Variants in SORD observed in about 807,000 individuals in gnomAD.
SORD encodes sorbitol dehydrogenase.
Under a neutral mutation model 35.6 loss-of-function variants are expected in SORD, and 18 were observed. The observed-to-expected ratio is 0.51, with a 90% CI of 0.35 to 0.75. SORD has a LOEUF of 0.75. Ranked by LOEUF, SORD falls within the 30% of genes least tolerant of loss-of-function variation. SORD has a pLI of 0.01. For synonymous variants in SORD, 106 were observed against 152.9 expected (o/e 0.69, Z 2.26); for missense variants, 250 against 390.2 (o/e 0.64, Z 3.03).
At chr15:45,046,058 TATC>T (rs1893041937) in intron 3 of SORD, among the ~76,000 whole-genome samples, 2 of 151,874 alleles carry the variant, frequency 1.3e-5, no homozygotes, top group African/African-American at 4.8e-5. Context: ...AATGTCATGT[TATC>T]ATAATATAAT....
chr15:45,059,050 C>A (rs574185581), intron 3 of SORD, among the ~76,000 whole-genome samples: 1 of 152,154 alleles, frequency 6.6e-6, no homozygotes, highest in African/African-American at 2.4e-5. Context: ...AGAACCAAGG[C>A]ATTTCTATGT....
intron 8 of SORD, 136 bp from the exon 9 acceptor site, chr15:45,073,229 G>A (rs1275524355): frequency 1.2e-5 from 6 of 496,964 alleles, no homozygotes; most frequent in Non-Finnish European, 2.1e-5. Flanking sequence ...TTCCTGGGTT[G>A]TTGGCCTGTA....
intron 1 of SORD, among the ~76,000 whole-genome samples, chr15:45,030,125 G>A (rs998761264): frequency 2.6e-5 from 4 of 152,220 alleles, no homozygotes; most frequent in Non-Finnish European, 5.9e-5. Context: ...TTGTAGCTTG[G>A]CTTTCCGGCT....
At chr15:45,024,012 T>G (rs1892632228) in intron 1 of SORD, among the ~76,000 whole-genome samples, 1 of 152,208 alleles carries the variant, frequency 6.6e-6, no homozygotes, top group African/African-American at 2.4e-5. Context: ...TGGTTCACTT[T>G]CCAGCAGTTT....
chr15:45,041,358 T>C (rs1414099614), intron 2 of SORD, among the ~76,000 whole-genome samples: 1 of 152,014 alleles, frequency 6.6e-6, no homozygotes, highest in Non-Finnish European at 1.5e-5. Flanking sequence ...AGAGTGTCTG[T>C]AGATACTCAC....
intron 1 of SORD, among the ~76,000 whole-genome samples, chr15:45,028,107 C>T (rs1372486459): frequency 6.6e-6 from 1 of 152,244 alleles, no homozygotes; most frequent in Non-Finnish European, 1.5e-5. Context: ...GGGCAGATCA[C>T]TTGAGGCCAG....
rs117139635 is a variant in SORD, at chr15:45,062,040, G to C, written c.425+814G>C. 3.0e-4 allele frequency among the ~76,000 whole-genome samples: 45 copies of C among 152,074 alleles called. No homozygotes were observed. The East Asian group carries it at 8.3e-3, about 28-fold the overall frequency. On this transcript the variant is annotated intron_variant, in intron 4 of 8. Transcript: ENST00000267814. ...AATTATTTCACTTTTCTCTGATTCAGTTTCATTTAATCGCCAAAATATTAA... is the reference window on the plus strand; with the variant it reads ...AATTATTTCACTTTTCTCTGATTCACTTTCATTTAATCGCCAAAATATTAA...
intron 3 of SORD, among the ~76,000 whole-genome samples, chr15:45,060,268 T>C (rs1458171290): frequency 1.3e-5 from 2 of 152,218 alleles, no homozygotes; most frequent in South Asian, 2.1e-4. Context: ...TAGATGTTCC[T>C]TGAAGAATGT....
chr15:45,061,268 C>T (rs1406429327), intron 4 of SORD, 42 bp downstream of exon 4: 2 of 1,603,104 alleles, frequency 1.2e-6, no homozygotes, highest in East Asian at 2.2e-5. Context: ...GGACCTCTTT[C>T]CCTTCATTAG....
chr15:45,032,348 A>G (rs1364863297), intron 1 of SORD, among the ~76,000 whole-genome samples: 1 of 152,232 alleles, frequency 6.6e-6, no homozygotes, highest in Non-Finnish European at 1.5e-5. Context: ...CTAGAAGGAA[A>G]AAAAGACTCC....
chr15:45,057,380 G>T (rs1893234538), intron 3 of SORD, among the ~76,000 whole-genome samples: 2 of 152,174 alleles, frequency 1.3e-5, no homozygotes, highest in African/African-American at 4.8e-5. Flanking sequence ...AACTTGAGAT[G>T]ATGGCTAGGT....
intron 1 of SORD, among the ~76,000 whole-genome samples, chr15:45,028,685 T>C (rs1892719928): frequency 6.6e-6 from 1 of 152,268 alleles, no homozygotes; most frequent in Admixed American, 6.5e-5. Context: ...GTTTAAACAT[T>C]ACTCGGAGGT....
At chr15:45,053,317 G>A (rs1239864825) in intron 3 of SORD, among the ~76,000 whole-genome samples, 1 of 152,180 alleles carries the variant, frequency 6.6e-6, no homozygotes, top group African/African-American at 2.4e-5. Flanking sequence ...CCCAGAGAAA[G>A]CCTGCTGTCT....
At chr15:45,071,696 TC>T (rs1893516198) in intron 7 of SORD, among the ~76,000 whole-genome samples, 1 of 149,360 alleles carries the variant, frequency 6.7e-6, no homozygotes, top group South Asian at 2.2e-4. Flanking sequence ...AGGAGAAATT[TC>T]ACTGCTGCCT....
chr15:45,028,872 G>A (rs1892722999), intron 1 of SORD, among the ~76,000 whole-genome samples: 1 of 151,854 alleles, frequency 6.6e-6, no homozygotes, highest in South Asian at 2.1e-4. Context: ...TAAGATTTTG[G>A]GGTGAGAAGC....
intron 1 of SORD, among the ~76,000 whole-genome samples, chr15:45,031,131 GCC>G (rs1892777568): frequency 6.6e-6 from 1 of 152,142 alleles, no homozygotes; most frequent in African/African-American, 2.4e-5. Flanking sequence ...TTTGAGACCA[GCC>G]TGGGAAAGAC....
intron 3 of SORD, among the ~76,000 whole-genome samples, chr15:45,056,939 A>T (rs773814480): frequency 6.6e-6 from 1 of 152,200 alleles, no homozygotes; most frequent in Non-Finnish European, 1.5e-5. Flanking sequence ...TATCCCATGG[A>T]TCCCACGTGT....
chr15:45,035,387 T>A (rs1297654710), intron 1 of SORD, among the ~76,000 whole-genome samples: 10 of 152,030 alleles, frequency 6.6e-5, no homozygotes, highest in Non-Finnish European at 1.0e-4. Context: ...TCAAGGTTTG[T>A]AAACACACCA....
chr15:45,060,391 C>T (rs934673017), intron 3 of SORD, among the ~76,000 whole-genome samples: 2 of 152,100 alleles, frequency 1.3e-5, no homozygotes, highest in Non-Finnish European at 2.9e-5. Flanking sequence ...AGTTCTCAGG[C>T]TGGGTTTCCA....
Sources: allele counts gnomAD v4.1 joint callset (sites outside exome capture counted in the v4.1 genomes callset), GRCh38; gene constraint gnomAD v4.1.1; transcripts MANE v1.5; gene names NCBI Gene and HGNC (gene_info 2026-07-23, HGNC 2026-07-21).